KIAA0586: variants seen among roughly 807,000 people sequenced by gnomAD.
KIAA0586 encodes the protein protein TALPID3.
KIAA0586 carries 144 observed loss-of-function variants against 169.8 expected under a neutral mutation model. The observed-to-expected ratio is 0.85, with a 90% CI of 0.74 to 0.97. KIAA0586 has a LOEUF of 0.97. Among genes scored for constraint, KIAA0586 ranks in the 50% least tolerant of loss-of-function variants. The pLI, the probability that KIAA0586 is intolerant of heterozygous loss-of-function variation, is 0.00. For missense variants in KIAA0586, 1,854 were observed against 1,823.0 expected (o/e 1.02, Z -0.31); for synonymous variants, 625 against 612.4 (o/e 1.02, Z -0.30).
At chr14:58,484,924 A>AAATATATATTTTTTT (rs2042328590) in intron 21 of KIAA0586, among the ~76,000 whole-genome samples, 1 of 13,048 alleles carries the variant, frequency 7.7e-5, no homozygotes, top group Non-Finnish European at 1.3e-4. Context: ...ATATATATAT[A>AAATATATATTTTTTT]TTTTTTTTTT....
intron 30 of KIAA0586, among the ~76,000 whole-genome samples, chr14:58,540,962 T>G (rs1235147875): frequency 6.6e-6 from 1 of 152,240 alleles, no homozygotes; most frequent in East Asian, 1.9e-4. Context: ...CAGGATAGTT[T>G]AGCAGCTGCT....
intron 26 of KIAA0586, among the ~76,000 whole-genome samples, chr14:58,493,973 A>C (rs1226041828): frequency 6.6e-6 from 1 of 152,192 alleles, no homozygotes; most frequent in Non-Finnish European, 1.5e-5. Flanking sequence ...TAAATTTATA[A>C]ATTCCACTGA....
At chr14:58,460,531 A>G (rs1352857298) in intron 13 of KIAA0586, among the ~76,000 whole-genome samples, 2 of 152,164 alleles carry the variant, frequency 1.3e-5, no homozygotes, top group Non-Finnish European at 2.9e-5. Flanking sequence ...AGTGCCAAAC[A>G]TGGATTGTTG....
intron 4 of KIAA0586, chr14:58,441,470 G>A: frequency 4.2e-6 from 1 of 236,126 alleles, no homozygotes; most frequent in South Asian, 4.6e-5. Flanking sequence ...CAAAGTGCTG[G>A]GATAACATGT....
intron 29 of KIAA0586, among the ~76,000 whole-genome samples, chr14:58,518,398 T>C (rs1401545027): frequency 6.6e-6 from 1 of 152,200 alleles, no homozygotes; most frequent in Non-Finnish European, 1.5e-5. Flanking sequence ...ACTAGAAATC[T>C]GAAACATTTA....
intron 4 of KIAA0586, among the ~76,000 whole-genome samples, chr14:58,437,592 C>T (rs887411564): frequency 6.7e-6 from 1 of 149,276 alleles, no homozygotes; most frequent in African/African-American, 2.5e-5. Flanking sequence ...TTGTACTCCT[C>T]ATTACTTGAG....
chr14:58,512,583 T>C lies in KIAA0586; in HGVS notation c.4385T>C (p.Leu1462Pro), dbSNP rs771384005. Residue 1462 changes from leucine to proline, a missense_variant, in exon 29 of 31, where the codon CTA becomes CCA. Coordinates refer to ENST00000652326, the MANE Select transcript of KIAA0586 (RefSeq NM_001329943.3). ...QVEHKPSQSY[L>P]RVRNKSDIAP... ...GAACACAAACCATCACAAAGTTACC[T>C]ACGTGTTAGAAATAAATCTGATATT... The C allele has an allele frequency of 8.4e-6, 13 of 1,543,400 alleles. No individual in the cohort carries two copies. The highest frequency in any genetic ancestry group is 1.1e-5 in the Non-Finnish European group (13 of 1,153,174).
At chr14:58,448,257 C>A in intron 6 of KIAA0586, 83 bp from the exon 7 acceptor site, 1 of 854,984 alleles carries the variant, frequency 1.2e-6, no homozygotes, top group Non-Finnish European at 1.8e-6. Context: ...TTATGTTTAA[C>A]TCCTCTAATA....
In KIAA0586 at chr14:58,529,076, C is replaced by T. The variant is rs370643168; in HGVS notation, c.4430-10995C>T. ...CCACCATCAGAGAATACTATAAACA[C>T]CTCTACACAAATTAACTACAAAATC... On this transcript the variant is annotated intron_variant, in intron 29 of 30. Transcript: ENST00000652326. Among the ~76,000 whole-genome samples the T allele has an allele frequency of 1.2e-4, 18 of 152,262 alleles. 1 individual carries two copies. In the East Asian group the frequency reaches 2.7e-3, roughly 23 times the overall value.
chr14:58,521,841 G>C, intron 29 of KIAA0586: 1 of 902,672 alleles, frequency 1.1e-6, no homozygotes, highest in South Asian at 1.3e-5. Context: ...GTCGGAGCGG[G>C]GTGCAGATGA....
At chr14:58,434,767 ACTTT>A (rs2037670307) in intron 4 of KIAA0586, among the ~76,000 whole-genome samples, 1 of 151,992 alleles carries the variant, frequency 6.6e-6, no homozygotes, top group South Asian at 2.1e-4. Context: ...TTTTTGTTTT[ACTTT>A]CTGTTTTTTA....
chr14:58,479,649 T>C (rs1027361121), intron 20 of KIAA0586, among the ~76,000 whole-genome samples: 2 of 152,180 alleles, frequency 1.3e-5, no homozygotes, highest in Admixed American at 1.3e-4. Flanking sequence ...AGATGTATGG[T>C]TTTAGATTAC....
chr14:58,441,341 C>T lies in KIAA0586; in HGVS notation c.411-1365C>T, dbSNP rs905321611. On this transcript the variant is annotated intron_variant, in intron 4 of 30. Transcript: ENST00000652326. Reference sequence around the variant, plus strand: ...TCAGCCTCCCGAGTAGCTGGGACTACAGGTGTGTGCCACCACACCTGGCTA... The same window carrying T: ...TCAGCCTCCCGAGTAGCTGGGACTATAGGTGTGTGCCACCACACCTGGCTA... The T allele has an allele frequency of 2.5e-5, 11 of 435,752 alleles. No homozygotes were observed. Among genetic ancestry groups the T allele is most frequent in the African/African-American group, 2.0e-4 (10 of 49,020 alleles). 27.0% of individuals were successfully genotyped at this position (435,752 alleles called of 1,614,324 possible).
intron 29 of KIAA0586, among the ~76,000 whole-genome samples, chr14:58,537,475 A>G (rs528087117): frequency 2.8e-4 from 42 of 152,154 alleles, no homozygotes; most frequent in Non-Finnish European, 5.9e-4. Context: ...GGTGGTATTG[A>G]TACCTTTGTT....
At chr14:58,554,273 T>A (rs2047232274), downstream of KIAA0586, among the ~76,000 whole-genome samples, 1 of 152,138 alleles carries the variant, frequency 6.6e-6, no homozygotes, top group African/African-American at 2.4e-5. Context: ...GTGGGCAGAT[T>A]TGTATAGTCG....
chr14:58,456,241 G>A (rs12435693), intron 9 of KIAA0586, among the ~76,000 whole-genome samples: 7,917 of 152,136 alleles, frequency 0.052, 423 homozygotes, highest in Admixed American at 0.17. Context: ...ATTCCATAAA[G>A]CTTGCTCTTC....
chr14:58,488,304 T>C (rs933767495), intron 23 of KIAA0586, among the ~76,000 whole-genome samples, 195 bp downstream of exon 23: 1 of 152,164 alleles, frequency 6.6e-6, no homozygotes, highest in Non-Finnish European at 1.5e-5. Context: ...TCTTAAAAGG[T>C]TTGAAATAGC....
At chr14:58,451,307 C>G (rs1216521614) in intron 8 of KIAA0586, among the ~76,000 whole-genome samples, 2 of 152,080 alleles carry the variant, frequency 1.3e-5, no homozygotes, top group African/African-American at 4.8e-5. Context: ...CTCACTGCAG[C>G]CTTTACCTCC....
chr14:58,448,513 T>A lies in KIAA0586; in HGVS notation c.961+20T>A. 1.3e-6 allele frequency: 2 copies of A among 1,545,674 alleles called. No homozygotes were observed. The highest frequency in any genetic ancestry group is 1.8e-6 in the Non-Finnish European group (2 of 1,134,118). On this transcript the variant is annotated intron_variant, in intron 7 of 30. Transcript: ENST00000652326. ...AACAAGGTAAAAATATGTAGTTCTC[T>A]ATGAATAAAAAATGTCAGCTGTGAA...
Sources: allele counts gnomAD v4.1 joint callset (sites outside exome capture counted in the v4.1 genomes callset), GRCh38; gene constraint gnomAD v4.1.1; transcripts MANE v1.5; gene names NCBI Gene and HGNC (gene_info 2026-07-23, HGNC 2026-07-21).